PPP1R37: variants seen among roughly 807,000 people sequenced by gnomAD.
PPP1R37 encodes the protein protein phosphatase 1 regulatory subunit 37.
Under a neutral mutation model 61.0 loss-of-function variants are expected in PPP1R37, and 21 were observed. The ratio of observed to expected loss-of-function variants is 0.34; its 90% CI spans 0.24 to 0.50. The LOEUF (loss-of-function observed/expected upper bound fraction) is 0.50. Among genes scored for constraint, PPP1R37 ranks in the 20% least tolerant of loss-of-function variants. The probability of loss-of-function intolerance (pLI) is 0.98; values close to 1 mark genes in which losing one functional copy is unlikely to be tolerated. For missense variants in PPP1R37, 910 were observed against 952.7 expected (o/e 0.96, Z 0.59); for synonymous variants, 443 against 433.5 (o/e 1.02, Z -0.27).
chr19:45,139,587 C>G (rs897725338), intron 2 of PPP1R37, among the ~76,000 whole-genome samples: 4 of 152,210 alleles, frequency 2.6e-5, no homozygotes, highest in South Asian at 2.1e-4. Flanking sequence ...GAAGCAACCA[C>G]GCTCCTTGTC....
At chr19:45,095,915 C>T (rs1346331801) in intron 1 of PPP1R37, among the ~76,000 whole-genome samples, 1 of 152,044 alleles carries the variant, frequency 6.6e-6, no homozygotes, top group Non-Finnish European at 1.5e-5. Context: ...AGGGGAAAGA[C>T]CTGGAGAGGC....
chr19:45,105,784 T>G (rs1968122752), intron 1 of PPP1R37, among the ~76,000 whole-genome samples: 1 of 152,182 alleles, frequency 6.6e-6, no homozygotes, highest in African/African-American at 2.4e-5. Context: ...CTGTGTTCCC[T>G]GCTGGACAAG....
chr19:45,095,591 C>T (rs528854886), intron 1 of PPP1R37, among the ~76,000 whole-genome samples: 12 of 151,998 alleles, frequency 7.9e-5, no homozygotes, highest in Non-Finnish European at 1.3e-4. Context: ...GGTGAAACCG[C>T]GTCTCTGCAA....
chr19:45,141,540 C>T, intron 5 of PPP1R37, 99 bp downstream of exon 5: 3 of 1,409,896 alleles, frequency 2.1e-6, no homozygotes, highest in Non-Finnish European at 2.8e-6. Context: ...TGCATGAGCT[C>T]TTGAGTGTGG....
In PPP1R37 at chr19:45,121,283, C is replaced by G. The variant is rs1968339732; in HGVS notation, c.203-17231C>G. 6.6e-6 allele frequency among the ~76,000 whole-genome samples: 1 copy of G among 152,222 alleles called. No homozygotes were observed. Among genetic ancestry groups the G allele is most frequent in the Admixed American group, 6.5e-5 (1 of 15,286 alleles). On this transcript the variant is annotated intron_variant, in intron 1 of 12. Coordinates refer to ENST00000221462, the MANE Select transcript of PPP1R37 (RefSeq NM_019121.2). This position sits in a 1 kb window ranked among gnomAD's most constrained non-coding sequence, Gnocchi z 4.2. ...AGAGGGGGTCAGAAGCACAGACCTG[C>G]ATTTACACTCACACTCTGGGATGAG...
intron 1 of PPP1R37, chr19:45,129,049 CAG>C (rs1968444152): frequency 2.7e-6 from 2 of 744,460 alleles, no homozygotes. Context: ...CCCAGGGTGA[CAG>C]TGGTGGCAGC....
intron 1 of PPP1R37, among the ~76,000 whole-genome samples, chr19:45,122,318 C>CCCAG (rs1972739245): frequency 6.6e-6 from 1 of 152,302 alleles, no homozygotes; most frequent in South Asian, 2.1e-4. Context: ...CCTGAGTTCA[C>CCCAG]CCAGCTGGCC....
intron 1 of PPP1R37, among the ~76,000 whole-genome samples, chr19:45,124,083 T>C (rs1968372473): frequency 6.6e-6 from 1 of 152,208 alleles, no homozygotes; most frequent in South Asian, 2.1e-4. Flanking sequence ...CACCCCATGC[T>C]GTCTTCCTAG....
At chr19:45,138,807 G>C (rs1219423541) in intron 2 of PPP1R37, among the ~76,000 whole-genome samples, 196 bp downstream of exon 2, 1 of 151,628 alleles carries the variant, frequency 6.6e-6, no homozygotes, top group Non-Finnish European at 1.5e-5. Flanking sequence ...TATAAAGTAA[G>C]ACATTCAGGT....
intron 1 of PPP1R37, among the ~76,000 whole-genome samples, chr19:45,135,349 GCCT>G (rs1968526015): frequency 6.6e-6 from 1 of 152,246 alleles, no homozygotes; most frequent in Non-Finnish European, 1.5e-5. Context: ...CTCTGGGCCA[GCCT>G]CCTCGCCCCA....
At chr19:45,134,321 G>A (rs1438076667) in intron 1 of PPP1R37, among the ~76,000 whole-genome samples, 1 of 152,144 alleles carries the variant, frequency 6.6e-6, no homozygotes, top group Non-Finnish European at 1.5e-5. Context: ...AAAGTGGGAG[G>A]ATACTAATAC....
intron 1 of PPP1R37, among the ~76,000 whole-genome samples, chr19:45,106,176 T>A (rs1568440659): frequency 6.6e-6 from 1 of 151,892 alleles, no homozygotes; most frequent in Non-Finnish European, 1.5e-5. Flanking sequence ...TACCCAAGGA[T>A]GCCCTGGCAC....
chr19:45,096,135 G>A (rs887437176), intron 1 of PPP1R37, among the ~76,000 whole-genome samples: 3 of 152,186 alleles, frequency 2.0e-5, no homozygotes, highest in Non-Finnish European at 4.4e-5. Flanking sequence ...TATTAAGACA[G>A]TGTTGGTCAT....
chr19:45,143,315 G>T (rs1568451149), intron 7 of PPP1R37: 2 of 527,974 alleles, frequency 3.8e-6, no homozygotes, highest in Non-Finnish European at 6.8e-6. Flanking sequence ...GAAGCATCTG[G>T]TGGAGGCTGT....
chr19:45,128,604 G>A, intron 1 of PPP1R37: 1 of 1,264,134 alleles, frequency 7.9e-7, no homozygotes, highest in Non-Finnish European at 1.1e-6. Flanking sequence ...AAGAGATGCA[G>A]GGGCCTCGGC....
In PPP1R37 at chr19:45,121,573, A is replaced by G. The variant is rs1006765850; in HGVS notation, c.203-16941A>G. 5.9e-5 allele frequency among the ~76,000 whole-genome samples: 9 copies of G among 152,346 alleles called. No individual in the cohort carries two copies. The highest frequency in any genetic ancestry group is 1.9e-4 in the East Asian group (1 of 5,186). ...CCTTTTCTACCCAGGAAACCTGACCAGTGCCACGCAGTGAATATACAGGGT... is the reference window on the plus strand; with the variant it reads ...CCTTTTCTACCCAGGAAACCTGACCGGTGCCACGCAGTGAATATACAGGGT... On this transcript the variant is annotated intron_variant, in intron 1 of 12. Transcript: ENST00000221462. This position sits in a 1 kb window ranked among gnomAD's most constrained non-coding sequence, Gnocchi z 4.2.
intron 1 of PPP1R37, among the ~76,000 whole-genome samples, chr19:45,123,302 G>A (rs1206778257): frequency 1.3e-5 from 2 of 152,196 alleles, no homozygotes; most frequent in African/African-American, 4.8e-5. Flanking sequence ...CCCAGCACTG[G>A]CACCTGTGAA....
intron 1 of PPP1R37, chr19:45,128,707 A>C: frequency 1.0e-6 from 1 of 999,716 alleles, no homozygotes; most frequent in Non-Finnish European, 1.5e-6. Context: ...TCTGCTTGGA[A>C]GACTGGCAAG....
At chr19:45,120,216 A>C (rs1223290181) in intron 1 of PPP1R37, among the ~76,000 whole-genome samples, 1 of 151,854 alleles carries the variant, frequency 6.6e-6, no homozygotes, top group Non-Finnish European at 1.5e-5. Flanking sequence ...ACAAGGTTTC[A>C]CTGTGTTAGC....
Sources: allele counts gnomAD v4.1 joint callset (sites outside exome capture counted in the v4.1 genomes callset), GRCh38; gene constraint gnomAD v4.1.1; non-coding constraint Gnocchi (gnomAD v3.1); transcripts MANE v1.5; gene names NCBI Gene and HGNC (gene_info 2026-07-23, HGNC 2026-07-21).